Variants in LPP observed in about 807,000 individuals in gnomAD.
LPP encodes LIM domain containing preferred translocation partner in lipoma, also known as lipoma-preferred partner.
LPP carries 38 observed loss-of-function variants against 60.4 expected under a neutral mutation model. The observed-to-expected ratio is 0.63, with a 90% CI of 0.49 to 0.83. The LOEUF (loss-of-function observed/expected upper bound fraction) is 0.83. Among genes scored for constraint, LPP ranks in the 40% least tolerant of loss-of-function variants. The pLI, the probability that LPP is intolerant of heterozygous loss-of-function variation, is 0.00. For synonymous variants in LPP, 328 were observed against 290.8 expected (o/e 1.13, Z -1.30); for missense variants, 902 against 783.6 (o/e 1.15, Z -1.80).
chr3:188,679,725 T>G (rs956009302), intron 7 of LPP, among the ~76,000 whole-genome samples: 1 of 152,198 alleles, frequency 6.6e-6, no homozygotes, highest in African/African-American at 2.4e-5. Context: ...AATAAACAAT[T>G]TTTAAGATTT....
intron 7 of LPP, among the ~76,000 whole-genome samples, chr3:188,653,054 T>C (rs1254129370): frequency 1.3e-5 from 2 of 152,212 alleles, no homozygotes; most frequent in Non-Finnish European, 2.9e-5. Flanking sequence ...TGCCAATTCT[T>C]GCCTCAAGAA....
chr3:188,304,797 A>G (rs1250252510), intron 2 of LPP, among the ~76,000 whole-genome samples: 1 of 152,226 alleles, frequency 6.6e-6, no homozygotes, highest in Non-Finnish European at 1.5e-5. Flanking sequence ...TTGCTGAAAT[A>G]CAAAGATAAT....
intron 2 of LPP, among the ~76,000 whole-genome samples, chr3:188,340,076 AGTT>A (rs1286655805): frequency 6.6e-6 from 1 of 152,122 alleles, no homozygotes; most frequent in African/African-American, 2.4e-5. Flanking sequence ...CCTTTCCTGA[AGTT>A]GTTTAGTTAC....
intron 9 of LPP, among the ~76,000 whole-genome samples, chr3:188,843,109 T>A (rs1760442164): frequency 6.6e-6 from 1 of 152,178 alleles, no homozygotes; most frequent in African/African-American, 2.4e-5. Context: ...AATTTACCCA[T>A]TTTTCTTTTT....
At chr3:188,683,655 TGAAG>T (rs1194126464) in intron 7 of LPP, among the ~76,000 whole-genome samples, 1 of 152,154 alleles carries the variant, frequency 6.6e-6, no homozygotes, top group Admixed American at 6.5e-5. Context: ...GGGCCCCAAA[TGAAG>T]GAAGACCCCT....
At chr3:188,483,440 G>A (rs1421213517) in intron 4 of LPP, among the ~76,000 whole-genome samples, 1 of 152,056 alleles carries the variant, frequency 6.6e-6, no homozygotes, top group Non-Finnish European at 1.5e-5. Context: ...CAACTAAAAT[G>A]CAAGGAAAGG....
chr3:188,629,656 G>A (rs182269123), intron 7 of LPP, among the ~76,000 whole-genome samples: 78 of 151,942 alleles, frequency 5.1e-4, no homozygotes, highest in Non-Finnish European at 1.1e-3. Flanking sequence ...CATACTGGCC[G>A]AAGCAATTTA....
At chr3:188,708,674 A>T (rs1865968264) in intron 8 of LPP, 1 of 514,130 alleles carries the variant, frequency 1.9e-6, no homozygotes, top group South Asian at 3.3e-5. Context: ...TCTAGGCAAC[A>T]TGGGGAGACC....
chr3:188,480,760 G>A (rs560383977), intron 4 of LPP, among the ~76,000 whole-genome samples: 3 of 152,322 alleles, frequency 2.0e-5, no homozygotes, highest in African/African-American at 7.2e-5. Context: ...CACAGAATCT[G>A]GGAGGCAAGG....
At chr3:188,743,051 A>G (rs1051807554) in intron 8 of LPP, among the ~76,000 whole-genome samples, 4 of 152,100 alleles carry the variant, frequency 2.6e-5, no homozygotes, top group African/African-American at 7.2e-5. Flanking sequence ...GTGTGTGTAC[A>G]TAGTGCTTTG....
intron 9 of LPP, among the ~76,000 whole-genome samples, chr3:188,845,400 A>G (rs893346807): frequency 2.6e-5 from 4 of 152,318 alleles, no homozygotes; most frequent in East Asian, 1.9e-4. Flanking sequence ...AGCTTGAGAG[A>G]GATGAAAAGT....
intron 2 of LPP, among the ~76,000 whole-genome samples, chr3:188,241,069 T>A (rs554445445): frequency 1.3e-5 from 2 of 152,308 alleles, no homozygotes; most frequent in South Asian, 2.1e-4. Context: ...ACATGTGAAA[T>A]GGGCACAGTT....
At chr3:188,593,762 A>G (rs1839430308) in intron 6 of LPP, among the ~76,000 whole-genome samples, 2 of 152,112 alleles carry the variant, frequency 1.3e-5, no homozygotes, top group South Asian at 4.1e-4. Context: ...GTCATTGCAA[A>G]TGCTGTTAAT....
chr3:188,443,063 A>G (rs1229722067), intron 4 of LPP, among the ~76,000 whole-genome samples: 1 of 152,206 alleles, frequency 6.6e-6, no homozygotes, highest in Non-Finnish European at 1.5e-5. Flanking sequence ...GGACAGGTTG[A>G]TGAAGGGATC....
At chr3:188,584,485 A>G (rs974058160) in intron 6 of LPP, 1 of 151,878 alleles carries the variant, frequency 6.6e-6, no homozygotes, top group Admixed American at 6.6e-5. Flanking sequence ...TTTAAAAAGT[A>G]AGCGCTTCTT....
intron 1 of LPP, among the ~76,000 whole-genome samples, chr3:188,208,470 C>G (rs1260693140): frequency 1.3e-5 from 2 of 152,116 alleles, no homozygotes; most frequent in Non-Finnish European, 2.9e-5. Flanking sequence ...ATACCTTGTG[C>G]CCTTGATTAA....
rs1331200674 is a variant in LPP at position 188,876,611 on chromosome 3, A to G, written c.*2132A>G. 1.0e-5 allele frequency: 2 copies of G among 200,324 alleles called. No homozygotes were observed. The highest frequency in any genetic ancestry group is 4.6e-5 in the African/African-American group (2 of 43,508). The allele number at this position is 200,324 out of a possible 1,614,324, so 12.4% of individuals were successfully genotyped here. A position where few individuals can be genotyped will look rare whatever the true frequency, so the allele number is the denominator to read the frequency against. On this transcript the variant is annotated 3_prime_UTR_variant, in exon 12 of 12. Transcript: ENST00000617246. ...ATTTGACAATAGGGCTGATAATGTAATCGGCTTGAATTTTGACTTAGTAAC... is the reference window on the plus strand; with the variant it reads ...ATTTGACAATAGGGCTGATAATGTAGTCGGCTTGAATTTTGACTTAGTAAC...
rs142545464 is a variant in LPP at position 188,260,517 on chromosome 3, T to C, written c.-67+34990T>C. ...TATTATTATTATTATTAATCACCAT[T>C]GTCACTGATAGAAATTGTCACTATT... On this transcript the variant is annotated intron_variant, in intron 2 of 11. Transcript: ENST00000617246. 2.9e-3 allele frequency among the ~76,000 whole-genome samples: 439 copies of C among 152,184 alleles called. 1 individual carries two copies. The highest frequency in any genetic ancestry group is 5.1e-3 in the African/African-American group (211 of 41,506).
intron 4 of LPP, among the ~76,000 whole-genome samples, chr3:188,442,189 A>G (rs1021860318): frequency 2.6e-5 from 4 of 152,202 alleles, no homozygotes; most frequent in African/African-American, 9.7e-5. Context: ...TTTGTTACAT[A>G]GGTATACATG....
Sources: allele counts gnomAD v4.1 joint callset (sites outside exome capture counted in the v4.1 genomes callset), GRCh38; gene constraint gnomAD v4.1.1; transcripts MANE v1.5; gene names NCBI Gene and HGNC (gene_info 2026-07-23, HGNC 2026-07-21).